Variants in CENPP observed in about 807,000 individuals in gnomAD.
CENPP encodes the protein centromere protein P.
Under a neutral mutation model 35.6 loss-of-function variants are expected in CENPP, and 24 were observed. The ratio of observed to expected loss-of-function variants is 0.67; its 90% CI spans 0.49 to 0.95. The LOEUF is 0.95. Among genes scored for constraint, CENPP ranks in the 40% least tolerant of loss-of-function variants. The pLI, the probability that CENPP is intolerant of heterozygous loss-of-function variation, is 0.00. For missense variants in CENPP, 332 were observed against 345.3 expected, an observed-to-expected ratio of 0.96 and a Z score of 0.31; for synonymous variants, 120 against 125.5, an observed-to-expected ratio of 0.96 and a Z score of 0.29.
At chr9:92,601,370 C>G (rs1166620361) in intron 5 of CENPP, among the ~76,000 whole-genome samples, 2 of 152,170 alleles carry the variant, frequency 1.3e-5, no homozygotes, top group Non-Finnish European at 2.9e-5. Flanking sequence ...GAGGGACTCT[C>G]TTCTGCTAGG....
At chr9:92,433,352 A>G (rs1267456546) in intron 5 of CENPP, among the ~76,000 whole-genome samples, 1 of 152,172 alleles carries the variant, frequency 6.6e-6, no homozygotes, top group Non-Finnish European at 1.5e-5. Context: ...TAAAACCATA[A>G]CAAGGAAGGA....
At chr9:92,399,111 T>C (rs1401735915) in intron 5 of CENPP, among the ~76,000 whole-genome samples, 1 of 152,182 alleles carries the variant, frequency 6.6e-6, no homozygotes, top group East Asian at 1.9e-4. Flanking sequence ...AATGCATTTT[T>C]TATTTTGTTA....
At chr9:92,429,705 T>A (rs1213673412) in intron 5 of CENPP, among the ~76,000 whole-genome samples, 1 of 152,100 alleles carries the variant, frequency 6.6e-6, no homozygotes, top group African/African-American at 2.4e-5. Context: ...GAGAATTCCT[T>A]GAACCCAGGA....
intron 5 of CENPP, chr9:92,457,058 G>A (rs1377357247): frequency 7.7e-7 from 1 of 1,305,400 alleles, no homozygotes. Flanking sequence ...AAGATCATTT[G>A]TACGCAAAAA....
chr9:92,365,770 T>G (rs1841872384), intron 4 of CENPP, among the ~76,000 whole-genome samples: 1 of 152,022 alleles, frequency 6.6e-6, no homozygotes, highest in Non-Finnish European at 1.5e-5. Flanking sequence ...CAATGTACCT[T>G]TATGTATTTC....
chr9:92,366,702 T>A (rs1841896548), intron 4 of CENPP, among the ~76,000 whole-genome samples: 1 of 152,234 alleles, frequency 6.6e-6, no homozygotes, highest in Non-Finnish European at 1.5e-5. Flanking sequence ...ATTATTCCTC[T>A]GATTAATCAT....
chr9:92,337,895 T>C (rs923111985), intron 3 of CENPP, among the ~76,000 whole-genome samples: 1 of 152,214 alleles, frequency 6.6e-6, no homozygotes, highest in African/African-American at 2.4e-5. Flanking sequence ...TCCAGTGCAA[T>C]TCCATGAGGT....
intron 5 of CENPP, chr9:92,385,881 C>T: frequency 8.6e-7 from 1 of 1,160,826 alleles, no homozygotes; most frequent in South Asian, 1.4e-5. Context: ...AGTCAGAGGT[C>T]TGAGTGCCCC....
intron 5 of CENPP, chr9:92,511,995 C>A (rs1356334640): frequency 2.5e-6 from 4 of 1,573,992 alleles, no homozygotes; most frequent in East Asian, 4.5e-5. Flanking sequence ...ATAGACAAAT[C>A]AGAGCATGTA....
chr9:92,475,898 A>T (rs962495079), intron 5 of CENPP, among the ~76,000 whole-genome samples: 16 of 152,222 alleles, frequency 1.1e-4, no homozygotes, highest in Non-Finnish European at 2.9e-5. Context: ...TGCACACAAA[A>T]CAGAACTATA....
At chr9:92,571,516 G>A (rs1160751968) in intron 5 of CENPP, among the ~76,000 whole-genome samples, 17 of 152,120 alleles carry the variant, frequency 1.1e-4, no homozygotes, top group Admixed American at 8.5e-4. Context: ...GGTCAATTTT[G>A]GAGTAAGTGC....
chr9:92,377,933 C>A (rs927826996), intron 4 of CENPP, among the ~76,000 whole-genome samples: 1 of 152,056 alleles, frequency 6.6e-6, no homozygotes, highest in Non-Finnish European at 1.5e-5. Flanking sequence ...GTAAAAGATT[C>A]TTGTCTGAAG....
At chr9:92,412,907 G>A (rs956934791) in intron 5 of CENPP, among the ~76,000 whole-genome samples, 4 of 148,604 alleles carry the variant, frequency 2.7e-5, no homozygotes. Flanking sequence ...ATTTTGGTGT[G>A]AACATGTGTG....
chr9:92,547,851 C>G (rs977184785), intron 5 of CENPP, among the ~76,000 whole-genome samples: 1 of 152,126 alleles, frequency 6.6e-6, no homozygotes, highest in African/African-American at 2.4e-5. Context: ...TGGTGAAATA[C>G]TGACAGTTTT....
At chr9:92,555,626 A>G (rs1379545886) in intron 5 of CENPP, among the ~76,000 whole-genome samples, 4 of 151,940 alleles carry the variant, frequency 2.6e-5, no homozygotes, top group African/African-American at 9.7e-5. Context: ...GGAAGATTGT[A>G]TTTTTCCAGG....
At chr9:92,416,628 C>G (rs1843620868) in intron 5 of CENPP, 1 of 1,535,574 alleles carries the variant, frequency 6.5e-7, no homozygotes, top group Non-Finnish European at 8.8e-7. Flanking sequence ...CTTTCTATTT[C>G]ATTATTTTGT....
intron 5 of CENPP, among the ~76,000 whole-genome samples, chr9:92,388,158 A>G (rs1312381858): frequency 6.6e-6 from 1 of 151,202 alleles, no homozygotes; most frequent in African/African-American, 2.4e-5. Context: ...TGAAATGTTG[A>G]TCAGCTCCTT....
At chr9:92,498,803 A>G (rs879600902) in intron 5 of CENPP, among the ~76,000 whole-genome samples, 4 of 152,236 alleles carry the variant, frequency 2.6e-5, no homozygotes, top group Non-Finnish European at 4.4e-5. Context: ...AGATCATCCA[A>G]GTTAATATTG....
At chr9:92,594,453 A>C (rs1187139832) in intron 5 of CENPP, among the ~76,000 whole-genome samples, 2 of 152,282 alleles carry the variant, frequency 1.3e-5, no homozygotes, top group Middle Eastern at 3.4e-3. Context: ...ATAATTTTAT[A>C]TCTCTGCCTC....
Sources: allele counts gnomAD v4.1 joint callset (sites outside exome capture counted in the v4.1 genomes callset), GRCh38; gene constraint gnomAD v4.1.1; transcripts MANE v1.5; gene names NCBI Gene and HGNC (gene_info 2026-07-23, HGNC 2026-07-21).